MYL2: variants seen among roughly 807,000 people sequenced by gnomAD.
The protein encoded by MYL2 is myosin regulatory light chain 2, ventricular/cardiac muscle isoform.
In MYL2, 19 loss-of-function variants were observed where a neutral mutation model predicts 23.0. The ratio of observed to expected loss-of-function variants is 0.83; its 90% confidence interval spans 0.58 to 1.21. MYL2 has a LOEUF of 1.21. Among genes scored for constraint, MYL2 ranks in the 50% most tolerant of loss-of-function variants. The pLI is 0.00. For synonymous variants in MYL2, 78 were observed against 76.2 expected (o/e 1.02, Z -0.13); for missense variants, 180 against 215.1 (o/e 0.84, Z 1.02).
chr12:110,915,942 AAC>A (rs2071685537), intron 2 of MYL2, 152 bp from the exon 3 acceptor site: 4 of 755,798 alleles, frequency 5.3e-6, no homozygotes, highest in Admixed American at 3.8e-5. Flanking sequence ...AAGATAATCC[AAC>A]AGTTTCTTCA....
intron 2 of MYL2, 25 bp downstream of exon 2, chr12:110,919,079 C>T (rs1555258246): frequency 6.9e-6 from 11 of 1,603,366 alleles, no homozygotes; most frequent in Admixed American, 5.0e-5. Context: ...TCCATCCAGG[C>T]GGATGATTCA....
intron 2 of MYL2, 82 bp downstream of exon 2, chr12:110,919,022 G>T: frequency 7.5e-7 from 1 of 1,330,050 alleles, no homozygotes; most frequent in South Asian, 1.2e-5. Context: ...AAAGGTCCCT[G>T]CTGGGAATAT....
Position 110,910,928 on chromosome 12 carries a change from C to T in MYL2, c.*149G>A. The T allele has an allele frequency of 1.3e-6, 1 of 757,320 alleles. No individual in the cohort carries two copies. Among genetic ancestry groups the T allele is most frequent in the East Asian group, 2.6e-5 (1 of 38,632 alleles). The allele number at this position is 757,320 out of a possible 1,614,324, so 46.9% of individuals were successfully genotyped here. A position where few individuals can be genotyped will look rare whatever the true frequency, so the allele number is the denominator to read the frequency against. On this transcript the variant is annotated 3_prime_UTR_variant, in exon 7 of 7. Coordinates refer to ENST00000228841, the MANE Select transcript of MYL2 (RefSeq NM_000432.4). Reference sequence around the variant, plus strand: ...TGCGGCCACGAAGTACCCATAGCCACCCAGGCTGCAAAGAAGATGGAGGTG... The same window carrying T: ...TGCGGCCACGAAGTACCCATAGCCATCCAGGCTGCAAAGAAGATGGAGGTG...
chr12:110,921,243 C>G (rs1200580889), upstream of MYL2, among the ~76,000 whole-genome samples: 1 of 152,196 alleles, frequency 6.6e-6, no homozygotes, highest in Non-Finnish European at 1.5e-5. Flanking sequence ...TGCCTATAGT[C>G]TCAGCTATTC....
At chr12:110,921,060 C>T (rs1162960145), upstream of MYL2, among the ~76,000 whole-genome samples, 2 of 152,222 alleles carry the variant, frequency 1.3e-5, no homozygotes, top group Non-Finnish European at 2.9e-5. Context: ...CGACCACCAT[C>T]TTTAAAATAA....
intron 6 of MYL2, 76 bp from the exon 7 acceptor site, chr12:110,911,251 GCCTGAGTGGACGGATAGC>G: frequency 2.8e-6 from 1 of 352,432 alleles, no homozygotes; most frequent in Non-Finnish European, 5.4e-6. Flanking sequence ...TGTGGGCGGG[GCCTGAGTGGACGGATAGC>G]TGGGGGGTGG....
At chr12:110,911,466 A>G (rs1385757019) in intron 6 of MYL2, among the ~76,000 whole-genome samples, 1 of 152,192 alleles carries the variant, frequency 6.6e-6, no homozygotes, top group Non-Finnish European at 1.5e-5. Flanking sequence ...CTGTAGAATA[A>G]GCTCCCTCCC....
At chr12:110,913,818 T>C (rs1258649308) in intron 4 of MYL2, among the ~76,000 whole-genome samples, 4 of 152,192 alleles carry the variant, frequency 2.6e-5, no homozygotes, top group Non-Finnish European at 5.9e-5. Flanking sequence ...AGTGGCACAA[T>C]GTCAGCTCAC....
intron 1 of MYL2, 104 bp downstream of exon 1, chr12:110,920,423 C>T: frequency 6.4e-7 from 1 of 1,558,250 alleles, no homozygotes; most frequent in African/African-American, 1.4e-5. Flanking sequence ...GGGCTGGAGG[C>T]TTTGAGGGCC....
intron 6 of MYL2, among the ~76,000 whole-genome samples, chr12:110,912,044 C>T (rs1342737394): frequency 1.3e-5 from 2 of 152,138 alleles, no homozygotes; most frequent in Non-Finnish European, 2.9e-5. Flanking sequence ...TTGTTCAAAG[C>T]ACACAGCAGG....
At position 110,920,550 on chromosome 12, in the gene MYL2, G is replaced by A. The variant is rs756621882; in HGVS notation, c.-21C>T. 8 of 1,613,986 alleles carry A rather than the reference G, an allele frequency of 5.0e-6. No homozygotes were observed. In the African/African-American group the frequency reaches 9.3e-5, roughly 19 times the overall value. On this transcript the variant is annotated 5_prime_UTR_variant, in exon 1 of 7. Transcript: ENST00000228841. ...ACCATGGTGGAAAGGACCCAGCACT[G>A]CCTCCCGAGAAGAATTCCACACTCC...
At chr12:110,913,073 G>A (rs781412206) in intron 6 of MYL2, 23 bp downstream of exon 6, 19 of 1,613,932 alleles carry the variant, frequency 1.2e-5, no homozygotes, top group Middle Eastern at 1.6e-4. Context: ...GGGTTAGAGG[G>A]AGTGCTTGAA....
Position 110,913,299 on chromosome 12 carries a change from G to A in MYL2, c.300C>T (p.Leu100=), listed in dbSNP as rs1253123682. 2 of 1,614,220 alleles carry A rather than the reference G, an allele frequency of 1.2e-6. No homozygotes were observed. The highest frequency in any genetic ancestry group is 3.3e-5 in the Admixed American group (2 of 60,030). ...CAGGGTCAAACACTTTGAATGCGTT[G>A]AGAATGGTTTCCTCAGGGTCCGCTC... is the stretch of plus-strand genomic sequence containing the variant. The part of the protein sequence containing the change: ...LKGADPEETI[L]NAFKVFDPEG... The change falls in exon 5 of 7, where the codon CTC becomes CTT. Residue 100 remains leucine, a synonymous_variant. Coordinates refer to ENST00000228841, the MANE Select transcript of MYL2 (RefSeq NM_000432.4).
chr12:110,919,335 G>A, intron 1 of MYL2, 142 bp from the exon 2 acceptor site: 1 of 667,852 alleles, frequency 1.5e-6, no homozygotes, highest in Non-Finnish European at 2.6e-6. Context: ...CCACACTCAG[G>A]TCTCCAAACG....
chr12:110,913,362 G>T (rs1340180395), intron 4 of MYL2, 38 bp from the exon 5 acceptor site: 5 of 1,607,592 alleles, frequency 3.1e-6, no homozygotes, highest in Non-Finnish European at 4.3e-6. Flanking sequence ...ACTGGGGGTG[G>T]CTGGGAACCA....
At position 110,913,081 on chromosome 12, in the gene MYL2, G is replaced by A; in HGVS notation, c.402+15C>T. On this transcript the variant is annotated intron_variant, in intron 6 of 6. Transcript: ENST00000228841. Reference sequence around the variant, plus strand: ...AGGAGCTGGGTTAGAGGGAGTGCTTGAAGGACCCCATTACCTCCTCCTTGG... The same window carrying A: ...AGGAGCTGGGTTAGAGGGAGTGCTTAAAGGACCCCATTACCTCCTCCTTGG... 6.2e-7 allele frequency: 1 copy of A among 1,614,142 alleles called. No individual in the cohort carries two copies. The highest frequency in any genetic ancestry group is 8.5e-7 in the Non-Finnish European group (1 of 1,179,996).
intron 2 of MYL2, among the ~76,000 whole-genome samples, chr12:110,916,951 C>T (rs12311846): frequency 0.036 from 5,485 of 152,164 alleles, 331 homozygotes; most frequent in African/African-American, 0.13. Flanking sequence ...CGGGTTCAAG[C>T]GATTCTCCTG....
chr12:110,919,209 A>G lies in MYL2; in HGVS notation c.4-16T>C, dbSNP rs1473298874. 4 of 1,610,358 alleles carry G rather than the reference A, an allele frequency of 2.5e-6. No homozygotes were observed. The highest frequency in any genetic ancestry group is 2.7e-5 in the African/African-American group (2 of 74,826). On this transcript the variant is annotated splice_polypyrimidine_tract_variant and intron_variant, in intron 1 of 6. Coordinates refer to ENST00000228841, the MANE Select transcript of MYL2 (RefSeq NM_000432.4). ...TCTTAGGTGCCTGGGGGAAAAAAGC[A>G]TCGATTAAAAGAGTGAGAGGCTGGG... is the stretch of plus-strand genomic sequence containing the variant.
chr12:110,915,627 T>C, intron 3 of MYL2, 88 bp downstream of exon 3: 1 of 1,340,066 alleles, frequency 7.5e-7, no homozygotes, highest in African/African-American at 1.4e-5. Context: ...AATGACACCA[T>C]CTTGAGCTTT....
Sources: gnomAD v4.1 joint callset for allele counts (sites outside exome capture counted in the v4.1 genomes callset) on GRCh38, gnomAD v4.1.1 for gene constraint, MANE v1.5 for transcripts, NCBI Gene and HGNC (gene_info 2026-07-23, HGNC 2026-07-21) for gene names.